Variants in WDR27 observed in about 807,000 individuals in gnomAD.
The protein encoded by WDR27 is WD repeat-containing protein 27.
In WDR27, 100 loss-of-function variants were observed where a neutral mutation model predicts 114.4. That is an observed-to-expected ratio of 0.87 (90% CI 0.74 to 1.03). The LOEUF is 1.03. Ranked by LOEUF, WDR27 falls within the 50% of genes least tolerant of loss-of-function variation. The pLI is 0.00. For synonymous variants in WDR27, 449 were observed against 423.1 expected, an observed-to-expected ratio of 1.06 and a Z score of -0.75; for missense variants, 1,129 against 1,092.9, an observed-to-expected ratio of 1.03 and a Z score of -0.47.
In WDR27 at chr6:169,613,626, C is replaced by A; in HGVS notation, c.2254G>T (p.Ala752Ser). 1.2e-6 allele frequency: 2 copies of A among 1,613,758 alleles called. No homozygotes were observed. Among genetic ancestry groups the A allele is most frequent in the South Asian group, 2.2e-5 (2 of 91,052 alleles). Residue 752 changes from alanine to serine, a missense_variant, in exon 22 of 26, where the codon GCT becomes TCT. Transcript: ENST00000448612. ...GSSFTTQQPQAYNLFLTTAIG... is the reference protein window; with the variant it reads ...GSSFTTQQPQSYNLFLTTAIG... ...GCCGTGGTCAGGAAAAGGTTATAAG[C>A]CTGAGGCTGTTGGGTTGTAAATGAT...
rs755500693 is a variant in WDR27 at position 169,665,570 on chromosome 6, C to T, written c.713-14G>A. 1 of 1,609,712 alleles carries T rather than the reference C, an allele frequency of 6.2e-7. No individual in the cohort carries two copies. The highest frequency in any genetic ancestry group is 8.5e-7 in the Non-Finnish European group (1 of 1,177,700). ...GAAGAGGATATGCTGGTGAAAGGAA[C>T]ATCGGAAAATTTAGCTTTGTAAGTG... On this transcript the variant is annotated splice_polypyrimidine_tract_variant and intron_variant, in intron 6 of 25. Coordinates refer to ENST00000448612, the MANE Select transcript of WDR27 (RefSeq NM_182552.5).
intron 2 of WDR27, 96 bp downstream of exon 2, chr6:169,688,721 G>C: frequency 3.6e-6 from 3 of 836,076 alleles, no homozygotes; most frequent in Non-Finnish European, 5.1e-6. Context: ...GTTGGTAGCT[G>C]AATCCACAGA....
At chr6:169,657,782 T>G (rs1824656639) in intron 13 of WDR27, 1 of 155,076 alleles carries the variant, frequency 6.4e-6, no homozygotes, top group Non-Finnish European at 1.4e-5. Context: ...CAAGAATAAT[T>G]TATTATGGCC....
At chr6:169,473,544 T>A (rs1786718839) in intron 25 of WDR27, among the ~76,000 whole-genome samples, 1 of 151,894 alleles carries the variant, frequency 6.6e-6, no homozygotes, top group South Asian at 2.1e-4. Flanking sequence ...AAAGAAAAGG[T>A]GCTGTAATAA....
intron 13 of WDR27, among the ~76,000 whole-genome samples, chr6:169,655,439 C>T (rs1367922531): frequency 6.6e-6 from 1 of 152,216 alleles, no homozygotes; most frequent in African/African-American, 2.4e-5. Flanking sequence ...TCTGTTAATA[C>T]TGAATAAATC....
chr6:169,518,356 A>T (rs2128060227), intron 25 of WDR27, among the ~76,000 whole-genome samples: 1 of 152,384 alleles, frequency 6.6e-6, no homozygotes, highest in East Asian at 1.9e-4. Flanking sequence ...TCTGCCTGGC[A>T]TCCAGCCTTT....
intron 25 of WDR27, among the ~76,000 whole-genome samples, chr6:169,526,907 A>G (rs1795029549): frequency 6.6e-6 from 1 of 152,222 alleles, no homozygotes; most frequent in South Asian, 2.1e-4. Context: ...ATGAAAAGAT[A>G]TTCAACATCA....
chr6:169,607,393 TAC>T (rs199658563), intron 22 of WDR27, among the ~76,000 whole-genome samples: 401 of 99,456 alleles, frequency 4.0e-3, no homozygotes, highest in African/African-American at 0.01. Context: ...TGTGTGTGTA[TAC>T]ACACACACAC....
chr6:169,486,905 T>C (rs1016422879), intron 25 of WDR27, among the ~76,000 whole-genome samples: 1 of 152,200 alleles, frequency 6.6e-6, no homozygotes, highest in Non-Finnish European at 1.5e-5. Context: ...GTAAATCACA[T>C]CTAACTCTAA....
chr6:169,469,551 G>A (rs1410950075), intron 25 of WDR27, among the ~76,000 whole-genome samples: 1 of 152,222 alleles, frequency 6.6e-6, no homozygotes, highest in African/African-American at 2.4e-5. Flanking sequence ...ACCCACTAAA[G>A]CCAGACAAGC....
chr6:169,591,006 G>T (rs1056797342), intron 23 of WDR27, among the ~76,000 whole-genome samples: 1 of 152,186 alleles, frequency 6.6e-6, no homozygotes, highest in Non-Finnish European at 1.5e-5. Flanking sequence ...ATACCCAGGA[G>T]TGAGATTGCT....
intron 25 of WDR27, among the ~76,000 whole-genome samples, chr6:169,514,746 GA>G (rs1174779837): frequency 1.0e-4 from 12 of 118,746 alleles, no homozygotes; most frequent in African/African-American, 5.1e-4. Flanking sequence ...TACTATAACA[GA>G]AAAAAAGAGA....
chr6:169,428,971 T>C, the WDR27 span, among the ~76,000 whole-genome samples: 10 of 151,994 alleles, frequency 6.6e-5, no homozygotes, highest in East Asian at 1.2e-3. Context: ...CACCACACAG[T>C]GAGTGGGGCA....
chr6:169,631,472 G>A (rs1816349445), intron 21 of WDR27, among the ~76,000 whole-genome samples: 1 of 152,092 alleles, frequency 6.6e-6, no homozygotes, highest in Admixed American at 6.6e-5. Flanking sequence ...GACGCCTGTC[G>A]GAGCCTTTAA....
chr6:169,587,570 A>G (rs2128148808), intron 23 of WDR27, among the ~76,000 whole-genome samples: 1 of 152,322 alleles, frequency 6.6e-6, no homozygotes, highest in South Asian at 2.1e-4. Context: ...CCTCTTGGTC[A>G]GCAGAAGCTG....
chr6:169,502,997 T>A (rs573622430), intron 25 of WDR27, among the ~76,000 whole-genome samples: 1 of 152,076 alleles, frequency 6.6e-6, no homozygotes, highest in South Asian at 2.1e-4. Flanking sequence ...GTCTACCTAG[T>A]CAAAATAGAG....
At chr6:169,683,165 T>C (rs545008207) in intron 2 of WDR27, among the ~76,000 whole-genome samples, 1 of 152,304 alleles carries the variant, frequency 6.6e-6, no homozygotes, top group East Asian at 1.9e-4. Flanking sequence ...ACAGAAAACT[T>C]TCCAAACCTG....
At chr6:169,493,766 T>A (rs536711623) in intron 25 of WDR27, among the ~76,000 whole-genome samples, 1 of 152,312 alleles carries the variant, frequency 6.6e-6, no homozygotes, top group East Asian at 1.9e-4. Context: ...AAATAAGTCA[T>A]ATTTTTGTAT....
At chr6:169,598,279 G>A (rs1490692220) in intron 23 of WDR27, among the ~76,000 whole-genome samples, 1 of 152,192 alleles carries the variant, frequency 6.6e-6, no homozygotes. Context: ...CACAATACCT[G>A]AAACTGCGTA....
Sources: gnomAD v4.1 joint callset for allele counts (sites outside exome capture counted in the v4.1 genomes callset) on GRCh38, gnomAD v4.1.1 for gene constraint, MANE v1.5 for transcripts, NCBI Gene and HGNC (gene_info 2026-07-23, HGNC 2026-07-21) for gene names.